Variants in GSG1L observed in about 807,000 individuals in gnomAD.
The protein encoded by GSG1L is GSG1 like.
A neutral mutation model predicts 42.1 loss-of-function variants in GSG1L; 24 were observed. The observed-to-expected ratio is 0.57, with a 90% CI of 0.41 to 0.80. The LOEUF is 0.80. Ranked by LOEUF, GSG1L falls within the 30% of genes least tolerant of loss-of-function variation. GSG1L has a pLI of 0.00. For synonymous variants in GSG1L, 215 were observed against 203.5 expected (o/e 1.06, Z -0.48); for missense variants, 445 against 472.2 (o/e 0.94, Z 0.53).
In GSG1L at chr16:27,973,439, C is replaced by CAAAAAAAAAA. The variant is rs71140935; in HGVS notation, c.350-10246_350-10237dup. 3.1e-3 allele frequency among the ~76,000 whole-genome samples: 92 copies of CAAAAAAAAAA among 29,844 alleles called. 9 individuals carry two copies. The highest frequency in any genetic ancestry group is 6.8e-3 in the East Asian group (5 of 738). 19.6% of individuals were successfully genotyped at this position (29,844 alleles called of 152,430 possible). A position where few individuals can be genotyped will look rare whatever the true frequency, so the allele number is the denominator to read the frequency against. ...AGCCTGGGCAATAAAGACCCCATCA[C>CAAAAAAAAAA]AAAAAAAAAAAAAAAAAAAAAAAAA... On this transcript the variant is annotated intron_variant, in intron 1 of 6. Transcript: ENST00000447459.
chr16:27,824,259 C>T (rs1281997063), intron 5 of GSG1L, among the ~76,000 whole-genome samples: 1 of 152,214 alleles, frequency 6.6e-6, no homozygotes, highest in South Asian at 2.1e-4. Flanking sequence ...CATCCTGGGT[C>T]ACAGGAAACA....
At chr16:27,791,824 C>T (rs535197419) in intron 6 of GSG1L, among the ~76,000 whole-genome samples, 2 of 152,182 alleles carry the variant, frequency 1.3e-5, no homozygotes, top group South Asian at 4.1e-4. Flanking sequence ...AACAGGTGCA[C>T]CACTCCCCCA....
intron 5 of GSG1L, among the ~76,000 whole-genome samples, chr16:27,824,685 A>G (rs1205036650): frequency 6.6e-6 from 1 of 152,262 alleles, no homozygotes; most frequent in Non-Finnish European, 1.5e-5. Flanking sequence ...TATTCTGCAC[A>G]TATGCTGGGA....
chr16:27,791,381 G>A lies in GSG1L; in HGVS notation c.985C>T (p.His329Tyr). Reference sequence around the variant, plus strand: ...GGTTGAGGTCTTGGTCACACCCAGTGCCCCAAGACCCAGCACTGTCGGTTC... The same window carrying A: ...GGTTGAGGTCTTGGTCACACCCAGTACCCCAAGACCCAGCACTGTCGGTTC... ...ELNRQCWVLG[H>Y]WV is the part of the protein sequence containing the mutation. The change falls in exon 7 of 7, where the codon CAC (histidine) becomes TAC (tyrosine). Residue 329 changes from histidine to tyrosine, a missense_variant. Transcript: ENST00000447459. 1.4e-6 allele frequency: 2 copies of A among 1,455,310 alleles called. No individual in the cohort carries two copies. Among genetic ancestry groups the A allele is most frequent in the Non-Finnish European group, 9.1e-7 (1 of 1,095,850 alleles). The allele number at this position is 1,455,310 out of a possible 1,614,324, so 90.1% of individuals were successfully genotyped here.
chr16:27,924,325 A>G (rs1391908771), intron 2 of GSG1L, among the ~76,000 whole-genome samples: 2 of 151,820 alleles, frequency 1.3e-5, no homozygotes, highest in Non-Finnish European at 2.9e-5. Context: ...ACGTGTATGT[A>G]TGTGTGTGTA....
chr16:27,912,237 G>A (rs1355214310), intron 2 of GSG1L, among the ~76,000 whole-genome samples: 1 of 152,148 alleles, frequency 6.6e-6, no homozygotes, highest in East Asian at 1.9e-4. Context: ...GGTCTGGCTG[G>A]GCACAGTGGC....
intron 4 of GSG1L, among the ~76,000 whole-genome samples, chr16:27,835,477 T>A (rs1032211753): frequency 6.6e-6 from 1 of 152,174 alleles, no homozygotes; most frequent in African/African-American, 2.4e-5. Context: ...TTTTAATTGG[T>A]GTATTTAAAC....
chr16:28,051,508 C>CG (rs1567570447), intron 1 of GSG1L, among the ~76,000 whole-genome samples: 12 of 118,002 alleles, frequency 1.0e-4, no homozygotes, highest in Non-Finnish European at 7.5e-5. Context: ...GGAAGTGTTA[C>CG]GAAAAAAAAA....
At position 27,979,661 on chromosome 16, in the gene GSG1L, A is replaced by AAGAAAGAAAGAAAGAAAGAAAGAGAG. The variant is rs368394279; in HGVS notation, c.350-16459_350-16458insCTCTCTTTCTTTCTTTCTTTCTTTCT. Among the ~76,000 whole-genome samples the AAGAAAGAAAGAAAGAAAGAAAGAGAG allele has an allele frequency of 2.9e-3, 194 of 67,668 alleles. 3 individuals carry two copies. The highest frequency in any genetic ancestry group is 4.5e-3 in the Non-Finnish European group (159 of 35,042). 44.4% of individuals were successfully genotyped at this position (67,668 alleles called of 152,430 possible). On this transcript the variant is annotated intron_variant, in intron 1 of 6. Transcript: ENST00000447459. ...GGGAGGGGAAAGAAAGAAAGAAAGA[A>AAGAAAGAAAGAAAGAAAGAAAGAGAG]AGAGAGAGAGAGAGAGAGAAAGAAA...
At chr16:27,961,330 G>A (rs1460836463) in intron 2 of GSG1L, among the ~76,000 whole-genome samples, 1 of 152,212 alleles carries the variant, frequency 6.6e-6, no homozygotes. Context: ...AGCCAGATTT[G>A]GAGCAAAGTT....
chr16:27,882,740 C>T (rs1208334108), intron 3 of GSG1L, among the ~76,000 whole-genome samples: 2 of 152,166 alleles, frequency 1.3e-5, no homozygotes, highest in African/African-American at 4.8e-5. Flanking sequence ...TCCTGCAGAG[C>T]TGTTAACACA....
intron 2 of GSG1L, among the ~76,000 whole-genome samples, chr16:27,938,992 T>C (rs2084753735): frequency 6.6e-6 from 1 of 152,194 alleles, no homozygotes; most frequent in Admixed American, 6.5e-5. Flanking sequence ...GATGCTTCAT[T>C]GCTGTGCAGT....
rs11864150 is a variant in GSG1L at position 27,923,720 on chromosome 16, C to T, written c.398-39082G>A. On this transcript the variant is annotated intron_variant, in intron 2 of 6. Transcript: ENST00000447459. Reference sequence around the variant, plus strand: ...CTGCACTCCAGCCTGGGCAACAGAGCAGGACTCTGTCAAGAAAAAAAAAAA... The same window carrying T: ...CTGCACTCCAGCCTGGGCAACAGAGTAGGACTCTGTCAAGAAAAAAAAAAA... 2.8e-3 allele frequency among the ~76,000 whole-genome samples: 322 copies of T among 116,002 alleles called. 3 individuals carry two copies. Among genetic ancestry groups the T allele is most frequent in the African/African-American group, 0.011 (310 of 29,290 alleles). The allele number at this position is 116,002 out of a possible 152,430, so 76.1% of individuals were successfully genotyped here. A position where few individuals can be genotyped will look rare whatever the true frequency, so the allele number is the denominator to read the frequency against.
chr16:27,884,627 G>C lies in GSG1L; in HGVS notation c.409C>G (p.Leu137Val). 6.3e-7 allele frequency: 1 copy of C among 1,586,984 alleles called. No individual in the cohort carries two copies. The highest frequency in any genetic ancestry group is 8.6e-7 in the Non-Finnish European group (1 of 1,166,490). Reference protein sequence around the residue: ...APASEKGVLWLSVVSEVLYIL... With the variant: ...APASEKGVLWVSVVSEVLYIL... ...TACAGCACCTCGGAGACCACAGACAGCCACAGGACCCCTGTCCAACAGAGG... is the reference window on the plus strand; with the variant it reads ...TACAGCACCTCGGAGACCACAGACACCCACAGGACCCCTGTCCAACAGAGG... The change falls in exon 3 of 7, where the codon CTG (leucine) becomes GTG (valine). Residue 137 changes from leucine (L) to valine (V), a missense_variant. This residue lies in a region of GSG1L where 149 missense variants were observed against 223.3 expected (regional missense o/e 0.67). Coordinates refer to ENST00000447459, the MANE Select transcript of GSG1L (RefSeq NM_001109763.2). This position sits in a 1 kb window ranked among gnomAD's most constrained non-coding sequence, Gnocchi z 4.4.
intron 2 of GSG1L, among the ~76,000 whole-genome samples, chr16:27,927,646 C>T (rs910307740): frequency 3.3e-5 from 5 of 152,166 alleles, no homozygotes; most frequent in African/African-American, 1.2e-4. Context: ...CCCTAAGTTC[C>T]TACCTTAGTT....
intron 2 of GSG1L, among the ~76,000 whole-genome samples, chr16:27,947,541 G>GAAAT (rs1312096856): frequency 9.5e-5 from 1 of 10,562 alleles, no homozygotes; most frequent in Non-Finnish European, 2.2e-4. Context: ...AAGAATGAAG[G>GAAAT]AAAGAAAGAA....
chr16:27,794,986 G>T (rs1328170428), intron 6 of GSG1L, among the ~76,000 whole-genome samples: 1 of 151,948 alleles, frequency 6.6e-6, no homozygotes, highest in African/African-American at 2.4e-5. Context: ...TCCTTTCCCT[G>T]TGCCCTTCAG....
chr16:28,001,257 T>C (rs1269025685), intron 1 of GSG1L, among the ~76,000 whole-genome samples: 1 of 152,148 alleles, frequency 6.6e-6, no homozygotes, highest in Non-Finnish European at 1.5e-5. Context: ...TTGCCATCAT[T>C]TTTCCAGGAA....
chr16:27,964,742 T>C (rs1236305069), intron 1 of GSG1L, among the ~76,000 whole-genome samples: 1 of 152,044 alleles, frequency 6.6e-6, no homozygotes, highest in East Asian at 1.9e-4. Flanking sequence ...TTCATGGACA[T>C]AGAGAGTAGA....
Sources: allele counts gnomAD v4.1 joint callset (sites outside exome capture counted in the v4.1 genomes callset), GRCh38; gene constraint gnomAD v4.1.1; regional missense constraint gnomAD v4.1.1; non-coding constraint Gnocchi (gnomAD v3.1); transcripts MANE v1.5; gene names NCBI Gene and HGNC (gene_info 2026-07-23, HGNC 2026-07-21).